Variants in DNAI2 observed in about 807,000 individuals in gnomAD.
The protein encoded by DNAI2 is dynein axonemal intermediate chain 2, also known as dynein, axonemal, intermediate polypeptide 2.
DNAI2 carries 63 observed loss-of-function variants against 74.7 expected under a neutral mutation model. That is an observed-to-expected ratio of 0.84 (90% CI 0.69 to 1.04). The LOEUF (loss-of-function observed/expected upper bound fraction) is 1.04, where lower values mean the gene tolerates loss of function less well. Ranked by LOEUF, DNAI2 falls within the 50% of genes least tolerant of loss-of-function variation. The probability of loss-of-function intolerance (pLI) is 0.00; values close to 1 mark genes in which losing one functional copy is unlikely to be tolerated. For missense variants in DNAI2, 688 were observed against 803.2 expected, an observed-to-expected ratio of 0.86 and a Z score of 1.73; for synonymous variants, 289 against 314.9, an observed-to-expected ratio of 0.92 and a Z score of 0.87.
rs62065702 is a variant in DNAI2 at position 74,281,550 on chromosome 17, G to A, written c.-11-257G>A. 0.13 allele frequency: 73,595 copies of A among 585,530 alleles called. 5,367 individuals carry two copies. The highest frequency in any genetic ancestry group is 0.15 in the Non-Finnish European group (49,928 of 329,574). 36.3% of individuals were successfully genotyped at this position (585,530 alleles called of 1,614,324 possible). A position where few individuals can be genotyped will look rare whatever the true frequency, so the allele number is the denominator to read the frequency against. On this transcript the variant is annotated intron_variant, in intron 1 of 13. Transcript: ENST00000311014. The stretch of plus-strand genomic sequence containing the variant: ...TGGGATTACAGTTGTCAGCTACCGC[G>A]CCTGGCCAAAATTTTTATTGCCCTC...
At chr17:74,303,855 G>C (rs2053007557) in intron 8 of DNAI2, among the ~76,000 whole-genome samples, 1 of 152,154 alleles carries the variant, frequency 6.6e-6, no homozygotes, top group Non-Finnish European at 1.5e-5. Flanking sequence ...GCCAGGTGCA[G>C]TGGCTCAGGT....
chr17:74,281,256 T>TTTTA (rs1177482664), intron 1 of DNAI2, among the ~76,000 whole-genome samples: 4 of 152,060 alleles, frequency 2.6e-5, no homozygotes, highest in South Asian at 2.1e-4. Context: ...AAAATGGTGA[T>TTTTA]TTTATTTATT....
At chr17:74,291,541 A>T (rs1206028631) in intron 6 of DNAI2, among the ~76,000 whole-genome samples, 1 of 152,212 alleles carries the variant, frequency 6.6e-6, no homozygotes, top group Non-Finnish European at 1.5e-5. Flanking sequence ...TCGGCCACAG[A>T]AGACTAAGTG....
At chr17:74,304,186 CTTTTTTTTTTTTT>C (rs56696514) in intron 8 of DNAI2, among the ~76,000 whole-genome samples, 4 of 67,632 alleles carry the variant, frequency 5.9e-5, no homozygotes, top group East Asian at 4.5e-4. Flanking sequence ...TTTCTTTTTT[CTTTTTTTTTTTTT>C]TTTTTTTTTT....
chr17:74,310,281 A>G (rs1598343458), intron 11 of DNAI2, 118 bp downstream of exon 11: 1 of 1,386,506 alleles, frequency 7.2e-7, no homozygotes, highest in Non-Finnish European at 9.6e-7. Context: ...ACATAGGTGC[A>G]CATTTTGGGG....
At chr17:74,309,568 A>G in intron 10 of DNAI2, 180 bp downstream of exon 10, 1 of 851,518 alleles carries the variant, frequency 1.2e-6, no homozygotes, top group South Asian at 1.4e-5. Flanking sequence ...GCTCCTACAA[A>G]GGTTAAGGGG....
At chr17:74,303,357 T>G (rs577232589) in intron 8 of DNAI2, among the ~76,000 whole-genome samples, 2 of 152,248 alleles carry the variant, frequency 1.3e-5, no homozygotes, top group East Asian at 3.9e-4. Flanking sequence ...ACGGGCGGCG[T>G]GCAGTCGGCT....
chr17:74,312,183 G>C lies in DNAI2; in HGVS notation c.1675G>C (p.Glu559Gln). 1 of 1,610,276 alleles carries C rather than the reference G, an allele frequency of 6.2e-7. No individual in the cohort carries two copies. The highest frequency in any genetic ancestry group is 8.5e-7 in the Non-Finnish European group (1 of 1,178,888). ...GGAGTTCTTCGACATCATCTTCGCA[G>C]AGCTGAAGAAGAAGGAGGCAGACGC... ...EEEFFDIIFA[E>Q]LKKKEADAIK... Residue 559 changes from glutamate (E) to glutamine (Q), a missense_variant, in exon 12 of 14, where the codon GAG (glutamate) becomes CAG (glutamine). Glu to Gln is a conservative substitution (Grantham distance 29, BLOSUM62 2). Transcript: ENST00000311014.
chr17:74,293,824 C>T (rs548957933), intron 6 of DNAI2, among the ~76,000 whole-genome samples: 1 of 152,190 alleles, frequency 6.6e-6, no homozygotes, highest in South Asian at 2.1e-4. Flanking sequence ...TACTCTGTCA[C>T]CCAGGCTGGA....
chr17:74,300,982 A>G lies in DNAI2; in HGVS notation c.865-64A>G. On this transcript the variant is annotated intron_variant, in intron 7 of 13. Coordinates refer to ENST00000311014, the MANE Select transcript of DNAI2 (RefSeq NM_023036.6). The surrounding 1 kb of genome is among the most constrained non-coding windows in gnomAD (Gnocchi z 4.5). ...CCCCAGGACGGTGGGGTGAGGGCGG[A>G]GAAGGCAAAAGCCAGGGGAAATACA... 1 of 1,606,124 alleles carries G rather than the reference A, an allele frequency of 6.2e-7. No individual in the cohort carries two copies. Among genetic ancestry groups the G allele is most frequent in the Non-Finnish European group, 8.5e-7 (1 of 1,176,442 alleles).
At chr17:74,304,179 CTTTTTTCTTT>C (rs2053037746) in intron 8 of DNAI2, among the ~76,000 whole-genome samples, 7 of 101,940 alleles carry the variant, frequency 6.9e-5, no homozygotes, top group African/African-American at 2.1e-4. Context: ...TTTTCTTTTT[CTTTTTTCTTT>C]TTTTTTTTTT....
chr17:74,313,717 G>A (rs1042561902), intron 12 of DNAI2: 8 of 229,756 alleles, frequency 3.5e-5, no homozygotes, highest in African/African-American at 1.1e-4. Flanking sequence ...GGCCCAAAAC[G>A]CTGGTGGTCA....
At chr17:74,298,190 G>T (rs2052560368) in intron 6 of DNAI2, among the ~76,000 whole-genome samples, 1 of 152,242 alleles carries the variant, frequency 6.6e-6, no homozygotes, top group Non-Finnish European at 1.5e-5. Context: ...CCAGACTCTG[G>T]TGCTCCGCTG....
chr17:74,275,189 G>A (rs9904599), intron 1 of DNAI2, among the ~76,000 whole-genome samples: 27,873 of 152,094 alleles, frequency 0.18, 2,831 homozygotes, highest in African/African-American at 0.26. Context: ...CAGTCTTTCC[G>A]TCAAGGAGAC....
At chr17:74,283,630 T>C (rs1298129327) in intron 2 of DNAI2, among the ~76,000 whole-genome samples, 1 of 151,742 alleles carries the variant, frequency 6.6e-6, no homozygotes, top group Non-Finnish European at 1.5e-5. Context: ...ACTAAATAAC[T>C]AAATAAATAA....
intron 8 of DNAI2, among the ~76,000 whole-genome samples, chr17:74,303,596 AT>A (rs542455902): frequency 3.3e-3 from 444 of 132,680 alleles, no homozygotes; most frequent in Middle Eastern, 3.9e-3. Context: ...AGCCAGGCTG[AT>A]TTTTTTTTTT....
In DNAI2 at chr17:74,290,339, C is replaced by T. The variant is rs2052009228; in HGVS notation, c.610+603C>T. On this transcript the variant is annotated intron_variant, in intron 5 of 13. Coordinates refer to ENST00000311014, the MANE Select transcript of DNAI2 (RefSeq NM_023036.6). ...TCAACAGCAACAACAAGACAGAGTG[C>T]CCAGCAGACTGAGAAGGGACTCAAG... 2.0e-5 allele frequency among the ~76,000 whole-genome samples: 3 copies of T among 152,088 alleles called. No homozygotes were observed. The South Asian group carries it at 6.2e-4, about 32-fold the overall frequency.
chr17:74,274,960 G>A (rs1214767602), intron 1 of DNAI2, among the ~76,000 whole-genome samples: 1 of 152,158 alleles, frequency 6.6e-6, no homozygotes, highest in Non-Finnish European at 1.5e-5. Context: ...ACAGAAGTGC[G>A]TCTTCTCCCA....
At chr17:74,277,911 G>C (rs1215127994) in intron 1 of DNAI2, among the ~76,000 whole-genome samples, 1 of 152,216 alleles carries the variant, frequency 6.6e-6, no homozygotes, top group African/African-American at 2.4e-5. Flanking sequence ...GCTACACATG[G>C]AATTGCCTGG....
Sources: gnomAD v4.1 joint callset for allele counts (sites outside exome capture counted in the v4.1 genomes callset) on GRCh38, gnomAD v4.1.1 for gene constraint, Gnocchi (gnomAD v3.1) non-coding constraint, MANE v1.5 for transcripts, NCBI Gene and HGNC (gene_info 2026-07-23, HGNC 2026-07-21) for gene names.